Variants in FSTL5 observed in about 807,000 individuals in gnomAD.
The protein encoded by FSTL5 is follistatin like 5, also known as follistatin-related protein 5.
FSTL5 carries 62 observed loss-of-function variants against 89.1 expected under a neutral mutation model. The observed-to-expected ratio is 0.70, with a 90% CI of 0.57 to 0.86. FSTL5 has a LOEUF of 0.86. FSTL5 is among the 40% of genes least tolerant of loss of function. FSTL5 has a pLI of 0.00. For synonymous variants in FSTL5, 383 were observed against 346.2 expected (o/e 1.11, Z -1.18); for missense variants, 1,057 against 1,001.6 (o/e 1.06, Z -0.75).
chr4:161,525,944 C>G (rs919037318), intron 10 of FSTL5, among the ~76,000 whole-genome samples: 2 of 152,136 alleles, frequency 1.3e-5, no homozygotes, highest in South Asian at 4.1e-4. Context: ...ATAATTCATA[C>G]TGATACTTCA....
At chr4:162,132,334 C>T (rs1257461850) in intron 1 of FSTL5, among the ~76,000 whole-genome samples, 2 of 152,138 alleles carry the variant, frequency 1.3e-5, no homozygotes, top group South Asian at 2.1e-4. Flanking sequence ...AAAATCCATT[C>T]TTTCTAAACT....
intron 4 of FSTL5, among the ~76,000 whole-genome samples, chr4:161,828,930 G>C (rs1730751396): frequency 6.6e-6 from 1 of 151,880 alleles, no homozygotes; most frequent in African/African-American, 2.4e-5. Context: ...AACCACTAAA[G>C]AAGTTTTTTT....
At chr4:161,563,503 G>T (rs1046450491) in intron 8 of FSTL5, among the ~76,000 whole-genome samples, 3 of 151,810 alleles carry the variant, frequency 2.0e-5, no homozygotes, top group Admixed American at 6.6e-5. Context: ...CTTCAAAGTT[G>T]GCTCTAATTC....
intron 6 of FSTL5, among the ~76,000 whole-genome samples, chr4:161,747,973 G>A (rs1740259999): frequency 6.6e-6 from 1 of 151,944 alleles, no homozygotes; most frequent in Non-Finnish European, 1.5e-5. Flanking sequence ...ATGGTAGATG[G>A]TGCTAACACT....
chr4:162,109,673 C>T (rs1250974328), intron 2 of FSTL5, among the ~76,000 whole-genome samples: 1 of 151,910 alleles, frequency 6.6e-6, no homozygotes, highest in African/African-American at 2.4e-5. Context: ...TATATACTAA[C>T]ACATTAAAAC....
intron 10 of FSTL5, among the ~76,000 whole-genome samples, chr4:161,527,966 TA>T (rs1731284571): frequency 6.7e-6 from 1 of 150,066 alleles, no homozygotes; most frequent in Admixed American, 6.6e-5. Flanking sequence ...TATGCAGCCA[TA>T]AAAAATGATG....
chr4:161,961,363 C>A (rs1268632840), intron 3 of FSTL5, among the ~76,000 whole-genome samples: 1 of 152,042 alleles, frequency 6.6e-6, no homozygotes, highest in Non-Finnish European at 1.5e-5. Flanking sequence ...CCTCCCACCT[C>A]AGGCACTTGT....
Position 162,094,779 on chromosome 4 carries a change from A to T in FSTL5, c.126+16492T>A, listed in dbSNP as rs536473810. Among the ~76,000 whole-genome samples the T allele has an allele frequency of 3.9e-5, 6 of 152,254 alleles. No homozygotes were observed. The South Asian group carries it at 6.2e-4, about 16-fold the overall frequency. On this transcript the variant is annotated intron_variant, in intron 2 of 15. Coordinates refer to ENST00000306100, the MANE Select transcript of FSTL5 (RefSeq NM_020116.5). ...CAAGAGTAAACTTCTGAATTACAGG[A>T]GATATTTTGTGTCATAATCTGAGTG...
At chr4:161,602,740 AC>A (rs1734293416) in intron 7 of FSTL5, among the ~76,000 whole-genome samples, 1 of 152,120 alleles carries the variant, frequency 6.6e-6, no homozygotes, top group South Asian at 2.1e-4. Flanking sequence ...ACATTTTCAA[AC>A]TGCTAGGGTA....
chr4:161,454,872 T>C (rs991158668), intron 15 of FSTL5, 132 bp downstream of exon 15: 6 of 759,788 alleles, frequency 7.9e-6, no homozygotes, highest in Admixed American at 2.6e-5. Context: ...TAAGCAGATA[T>C]GACAAAGCTA....
intron 15 of FSTL5, among the ~76,000 whole-genome samples, chr4:161,393,860 C>T (rs1185013039): frequency 1.3e-5 from 2 of 152,134 alleles, no homozygotes; most frequent in Admixed American, 1.3e-4. Flanking sequence ...GGGGCTAGTA[C>T]TCTGGTCCCA....
In FSTL5 at chr4:161,384,999, T is replaced by C. The variant is rs560804138; in HGVS notation, c.*748A>G. On this transcript the variant is annotated 3_prime_UTR_variant, in exon 16 of 16. Transcript: ENST00000306100. ...AGTGATTGAAAGCAAAATGAGTAGATAGATTGCAAATATTTTGACTGTAAT... is the reference window on the plus strand; with the variant it reads ...AGTGATTGAAAGCAAAATGAGTAGACAGATTGCAAATATTTTGACTGTAAT... 2 of 152,218 alleles carry C rather than the reference T, an allele frequency of 1.3e-5. No individual in the cohort carries two copies. The highest frequency in any genetic ancestry group is 2.1e-4 in the South Asian group (1 of 4,826). 9.4% of individuals were successfully genotyped at this position (152,218 alleles called of 1,614,324 possible).
intron 6 of FSTL5, among the ~76,000 whole-genome samples, chr4:161,657,041 T>G (rs990783295): frequency 6.6e-6 from 1 of 152,310 alleles, no homozygotes; most frequent in South Asian, 2.1e-4. Flanking sequence ...CTTTACCAGA[T>G]CGCACTGGTA....
intron 7 of FSTL5, among the ~76,000 whole-genome samples, chr4:161,628,312 AGTT>A (rs1013622034): frequency 6.6e-6 from 1 of 151,760 alleles, no homozygotes; most frequent in African/African-American, 2.4e-5. Context: ...AGATTATTCT[AGTT>A]GTAGTAAATT....
At chr4:161,408,492 A>C (rs1309431230) in intron 15 of FSTL5, among the ~76,000 whole-genome samples, 1 of 152,224 alleles carries the variant, frequency 6.6e-6, no homozygotes, top group Admixed American at 6.5e-5. Flanking sequence ...AATAAGCTCA[A>C]GAATGCTGGC....
chr4:161,870,096 A>T (rs576379362), intron 4 of FSTL5, among the ~76,000 whole-genome samples: 1 of 152,266 alleles, frequency 6.6e-6, no homozygotes, highest in South Asian at 2.1e-4. Context: ...TGAGTGTTGG[A>T]ATTTGATTAC....
chr4:161,451,625 G>A (rs1008057859), intron 15 of FSTL5, among the ~76,000 whole-genome samples: 2 of 152,220 alleles, frequency 1.3e-5, no homozygotes, highest in Non-Finnish European at 2.9e-5. Flanking sequence ...AATGGTGAAT[G>A]ATGTTGCTGG....
At chr4:161,625,737 A>T (rs1735295013) in intron 7 of FSTL5, among the ~76,000 whole-genome samples, 1 of 152,146 alleles carries the variant, frequency 6.6e-6, no homozygotes, top group East Asian at 1.9e-4. Context: ...GTCAAAAGCT[A>T]GGGTTCTTGT....
intron 6 of FSTL5, among the ~76,000 whole-genome samples, chr4:161,727,416 A>G (rs973413584): frequency 4.6e-5 from 7 of 152,200 alleles, no homozygotes; most frequent in South Asian, 2.1e-4. Flanking sequence ...ATATATTTCC[A>G]TATTCCCAGG....
Sources: gnomAD v4.1 joint callset for allele counts (sites outside exome capture counted in the v4.1 genomes callset) on GRCh38, gnomAD v4.1.1 for gene constraint, MANE v1.5 for transcripts, NCBI Gene and HGNC (gene_info 2026-07-23, HGNC 2026-07-21) for gene names.